Variants in PHLDB2 observed in about 807,000 individuals in gnomAD.
PHLDB2 encodes the protein pleckstrin homology-like domain family B member 2.
PHLDB2 carries 71 observed loss-of-function variants against 123.6 expected under a neutral mutation model. The observed-to-expected ratio is 0.57, with a 90% CI of 0.47 to 0.70. The LOEUF (loss-of-function observed/expected upper bound fraction) is 0.70. PHLDB2 is among the 30% of genes least tolerant of loss of function. The probability of loss-of-function intolerance (pLI) is 0.00; values close to 1 mark genes in which losing one functional copy is unlikely to be tolerated. For synonymous variants in PHLDB2, 547 were observed against 541.6 expected (o/e 1.01, Z -0.14); for missense variants, 1,446 against 1,519.5 (o/e 0.95, Z 0.80).
chr3:111,820,158 G>A (rs1356479840), intron 1 of PHLDB2, among the ~76,000 whole-genome samples: 1 of 152,150 alleles, frequency 6.6e-6, no homozygotes, highest in Non-Finnish European at 1.5e-5. Context: ...GCATTGGCAG[G>A]GGACTTGGTG....
chr3:111,732,681 G>T, exon 1 of PHLDB2: 1 of 1,535,600 alleles, frequency 6.5e-7, no homozygotes, highest in Non-Finnish European at 8.7e-7. Flanking sequence ...GGGAAGAGTC[G>T]GGATTGAAAA....
intron 1 of PHLDB2, among the ~76,000 whole-genome samples, chr3:111,807,553 C>T (rs2061647308): frequency 6.6e-6 from 1 of 151,914 alleles, no homozygotes; most frequent in Admixed American, 6.6e-5. Context: ...GACCCCATCT[C>T]TACAAAAAAA....
intron 1 of PHLDB2, among the ~76,000 whole-genome samples, chr3:111,877,360 G>A (rs1269841127): frequency 1.3e-5 from 2 of 152,182 alleles, no homozygotes; most frequent in Non-Finnish European, 2.9e-5. Context: ...TTGGCTGCAT[G>A]AATGTCTTCT....
intron 2 of PHLDB2, among the ~76,000 whole-genome samples, chr3:111,886,980 A>G (rs2066203414): frequency 6.6e-6 from 1 of 152,246 alleles, no homozygotes; most frequent in African/African-American, 2.4e-5. Context: ...CTTCTATCCG[A>G]TAACTTATCA....
intron 2 of PHLDB2, among the ~76,000 whole-genome samples, chr3:111,901,975 T>C (rs2067229583): frequency 6.6e-6 from 1 of 152,246 alleles, no homozygotes; most frequent in Non-Finnish European, 1.5e-5. Flanking sequence ...GAGTCATTCA[T>C]AATGGGCATT....
At chr3:111,941,809 A>AAAAAC (rs59034498) in intron 8 of PHLDB2, among the ~76,000 whole-genome samples, 8,116 of 150,700 alleles carry the variant, frequency 0.054, 280 homozygotes, top group South Asian at 0.13. Context: ...CCTGTCTCAA[A>AAAAAC]AAAACAAAAC....
chr3:111,789,797 A>G (rs988687564), intron 1 of PHLDB2, among the ~76,000 whole-genome samples: 2 of 152,184 alleles, frequency 1.3e-5, no homozygotes, highest in African/African-American at 4.8e-5. Context: ...AGCTATCATC[A>G]CCGGGGCTAT....
At chr3:111,883,328 T>C (rs2066022695) in intron 1 of PHLDB2, among the ~76,000 whole-genome samples, 1 of 152,208 alleles carries the variant, frequency 6.6e-6, no homozygotes, top group African/African-American at 2.4e-5. Context: ...CTGATAGTTG[T>C]TTCTGCTAGA....
At chr3:111,873,936 C>T (rs546877764) in intron 1 of PHLDB2, among the ~76,000 whole-genome samples, 93 of 152,154 alleles carry the variant, frequency 6.1e-4, no homozygotes, top group African/African-American at 2.0e-3. Flanking sequence ...GAGAAATACA[C>T]GATTATTAAA....
intron 2 of PHLDB2, among the ~76,000 whole-genome samples, chr3:111,897,877 G>A (rs200108659): frequency 1.3e-5 from 2 of 152,138 alleles, no homozygotes; most frequent in East Asian, 3.9e-4. Context: ...GCAAGAAGGC[G>A]AACATCATAA....
At chr3:111,791,784 A>G (rs1361080659) in intron 1 of PHLDB2, among the ~76,000 whole-genome samples, 1 of 152,214 alleles carries the variant, frequency 6.6e-6, no homozygotes, top group African/African-American at 2.4e-5. Flanking sequence ...TAATTAGGAT[A>G]TCCATTGCTT....
intron 1 of PHLDB2, among the ~76,000 whole-genome samples, chr3:111,768,535 A>G (rs1355681776): frequency 6.6e-6 from 1 of 152,158 alleles, no homozygotes; most frequent in Non-Finnish European, 1.5e-5. Flanking sequence ...AATGAAAACA[A>G]TAGAAATGAT....
intron 17 of PHLDB2, 58 bp downstream of exon 17, chr3:111,973,875 T>C (rs2072380711): frequency 7.4e-6 from 8 of 1,078,770 alleles, no homozygotes; most frequent in African/African-American, 1.6e-5. Flanking sequence ...AAGGGAAAAA[T>C]ATTTTTGGAG....
chr3:111,971,594 C>T (rs539847664), intron 16 of PHLDB2, among the ~76,000 whole-genome samples: 34 of 152,262 alleles, frequency 2.2e-4, no homozygotes, highest in South Asian at 6.2e-4. Flanking sequence ...GCTGCTCGTT[C>T]GGTTCTGTTT....
chr3:111,909,312 G>A (rs2067741565), intron 2 of PHLDB2, among the ~76,000 whole-genome samples: 3 of 151,994 alleles, frequency 2.0e-5, no homozygotes, highest in Admixed American at 1.3e-4. Context: ...AGGTTTGAGG[G>A]TAGAAATGCT....
chr3:111,791,874 G>T (rs1447335806), intron 1 of PHLDB2, among the ~76,000 whole-genome samples: 1 of 152,074 alleles, frequency 6.6e-6, no homozygotes, highest in Non-Finnish European at 1.5e-5. Flanking sequence ...ATAAGTTATT[G>T]TTAACTATAG....
At chr3:111,761,928 T>C (rs1311706045) in intron 1 of PHLDB2, among the ~76,000 whole-genome samples, 1 of 151,850 alleles carries the variant, frequency 6.6e-6, no homozygotes, top group East Asian at 1.9e-4. Context: ...AATTACAGAG[T>C]AATTACCCCC....
chr3:111,757,330 G>C (rs577029553), intron 1 of PHLDB2, among the ~76,000 whole-genome samples: 2 of 152,176 alleles, frequency 1.3e-5, no homozygotes, highest in South Asian at 4.1e-4. Context: ...TCATATTTCT[G>C]GGAGGCTTTG....
At chr3:111,967,425 TAAC>T (rs1444157181) in intron 14 of PHLDB2, among the ~76,000 whole-genome samples, 1 of 152,208 alleles carries the variant, frequency 6.6e-6, no homozygotes, top group Non-Finnish European at 1.5e-5. Flanking sequence ...CTGAATATAT[TAAC>T]AAGCTGGATT....
Sources: gnomAD v4.1 joint callset for allele counts (sites outside exome capture counted in the v4.1 genomes callset) on GRCh38, gnomAD v4.1.1 for gene constraint, MANE v1.5 for transcripts, NCBI Gene and HGNC (gene_info 2026-07-23, HGNC 2026-07-21) for gene names.